The following MPZL1 variants were observed in gnomAD, a reference collection of about 807,000 sequenced individuals.
The protein encoded by MPZL1 is myelin protein zero like 1.
MPZL1 carries 16 observed loss-of-function variants against 29.3 expected under a neutral mutation model. That is an observed-to-expected ratio of 0.55 (90% confidence interval 0.37 to 0.83). MPZL1 has a LOEUF of 0.83. MPZL1 is among the 40% of genes least tolerant of loss of function. The probability of loss-of-function intolerance (pLI) is 0.00; values close to 1 mark genes in which losing one functional copy is unlikely to be tolerated. For missense variants in MPZL1, 279 were observed against 332.9 expected (o/e 0.84, Z 1.26); for synonymous variants, 143 against 132.0 (o/e 1.08, Z -0.57).
intron 1 of MPZL1, among the ~76,000 whole-genome samples, chr1:167,739,258 TACAC>T (rs1404002140): frequency 7.4e-6 from 1 of 134,738 alleles, no homozygotes; most frequent in Non-Finnish European, 1.6e-5. Flanking sequence ...GACTAATACA[TACAC>T]ATACATATAT....
At chr1:167,754,446 C>A (rs1476071) in intron 1 of MPZL1, among the ~76,000 whole-genome samples, 27 of 152,196 alleles carry the variant, frequency 1.8e-4, no homozygotes, top group Admixed American at 8.5e-4. Flanking sequence ...CACCAATGTC[C>A]TGTTAACTCA....
intron 3 of MPZL1, among the ~76,000 whole-genome samples, chr1:167,772,984 G>T (rs545977300): frequency 1.3e-5 from 2 of 152,182 alleles, no homozygotes; most frequent in Admixed American, 1.3e-4. Flanking sequence ...TCACACCTCC[G>T]GTTTTTCTTT....
In MPZL1 at chr1:167,736,823, C is replaced by T. The variant is rs1050874119; in HGVS notation, c.91+14581C>T. ...CTCCCAACTGTTGCCAGAGGGATCT[C>T]TCTCTTGGGCAAATTTAATTGTACC... On this transcript the variant is annotated intron_variant, in intron 1 of 5. Transcript: ENST00000359523. 1.6e-4 allele frequency among the ~76,000 whole-genome samples: 25 copies of T among 152,294 alleles called. No individual in the cohort carries two copies. The South Asian group carries it at 2.7e-3, about 16-fold the overall frequency.
chr1:167,754,380 T>C (rs904215792), intron 1 of MPZL1, among the ~76,000 whole-genome samples: 1 of 152,188 alleles, frequency 6.6e-6, no homozygotes, highest in South Asian at 2.1e-4. Flanking sequence ...AAAATCACAA[T>C]AAAAAATAGC....
chr1:167,729,016 A>C (rs1433339621), intron 1 of MPZL1, among the ~76,000 whole-genome samples: 1 of 152,102 alleles, frequency 6.6e-6, no homozygotes, highest in Non-Finnish European at 1.5e-5. Context: ...CTGTAATCCC[A>C]GCACTTTGAG....
intron 1 of MPZL1, among the ~76,000 whole-genome samples, chr1:167,731,197 G>A (rs1660258724): frequency 6.6e-6 from 1 of 152,132 alleles, no homozygotes; most frequent in African/African-American, 2.4e-5. Context: ...CACTTTGGGA[G>A]GCTGAGGTGG....
At position 167,763,135 on chromosome 1, in the gene MPZL1, C is replaced by T. The variant is rs940234959; in HGVS notation, c.92-2448C>T. On this transcript the variant is annotated intron_variant, in intron 1 of 5. Transcript: ENST00000359523. ...AAAATTCTGTGACTGTAAACTTGGA[C>T]ACTTGGTCTAATTCCATCTTTAAAT... Among the ~76,000 whole-genome samples the T allele has an allele frequency of 2.7e-5, 4 of 146,734 alleles. No individual in the cohort carries two copies. In the Admixed American group the frequency reaches 2.8e-4, roughly 10 times the overall value.
Position 167,773,338 on chromosome 1 carries a change from G to A in MPZL1, c.575G>A (p.Arg192Lys), listed in dbSNP as rs903640625. ...LISMILAVLY[R>K]RKNSKRDYTG... ...AGCATGATTCTGGCTGTCCTCTATA[G>A]AAGGAAAAACTCTAAACGGGATTAC... Residue 192 changes from arginine to lysine, a missense_variant, in exon 4 of 6, where the codon AGA becomes AAA. Arg to Lys is a conservative substitution (Grantham distance 26, BLOSUM62 2). Transcript: ENST00000359523. 1 of 1,614,044 alleles carries A rather than the reference G, an allele frequency of 6.2e-7. No individual in the cohort carries two copies. The highest frequency in any genetic ancestry group is 8.5e-7 in the Non-Finnish European group (1 of 1,179,934).
chr1:167,722,562 G>T (rs1214373916), intron 1 of MPZL1, among the ~76,000 whole-genome samples: 1 of 152,204 alleles, frequency 6.6e-6, no homozygotes, highest in Non-Finnish European at 1.5e-5. Flanking sequence ...GTGAGCCCTC[G>T]CGGCGCACCC....
In MPZL1 at chr1:167,727,774, A is replaced by G. The variant is rs563920341; in HGVS notation, c.91+5532A>G. On this transcript the variant is annotated intron_variant, in intron 1 of 5. Coordinates refer to ENST00000359523, the MANE Select transcript of MPZL1 (RefSeq NM_003953.6). ...CAGAGGTCAGTTGGCTCCGTTCACC[A>G]TAGTGCATAAATTGAGAAATTGTGG... is the stretch of plus-strand genomic sequence containing the variant. 1.0e-3 allele frequency among the ~76,000 whole-genome samples: 153 copies of G among 152,260 alleles called. 2 individuals are homozygous for G. The highest frequency in any genetic ancestry group is 5.6e-3 in the South Asian group (27 of 4,826).
At chr1:167,730,290 CT>C (rs1346100118) in intron 1 of MPZL1, among the ~76,000 whole-genome samples, 3 of 148,634 alleles carry the variant, frequency 2.0e-5, no homozygotes, top group African/African-American at 7.5e-5. Context: ...TCTTTCTTTT[CT>C]TTTTTGAGGC....
intron 1 of MPZL1, among the ~76,000 whole-genome samples, chr1:167,734,230 T>G (rs1405247146): frequency 6.6e-6 from 1 of 150,628 alleles, no homozygotes; most frequent in Non-Finnish European, 1.5e-5. Context: ...CACTCCAGCC[T>G]GGGTGACAGA....
chr1:167,741,047 T>C (rs771316205), intron 1 of MPZL1, among the ~76,000 whole-genome samples: 1 of 152,190 alleles, frequency 6.6e-6, no homozygotes, highest in Non-Finnish European at 1.5e-5. Context: ...GAGACAGTCT[T>C]GCTCTGTCAC....
At position 167,743,354 on chromosome 1, in the gene MPZL1, G is replaced by A. The variant is rs567898618; in HGVS notation, c.91+21112G>A. On this transcript the variant is annotated intron_variant, in intron 1 of 5. Transcript: ENST00000359523. The stretch of plus-strand genomic sequence containing the variant: ...GCCTCCCAAGTAGCTGGGACTACAG[G>A]CGCACATCACGCCCAGCTAATTTTT... 1.7e-4 allele frequency among the ~76,000 whole-genome samples: 26 copies of A among 151,938 alleles called. 1 individual carries two copies. The highest frequency in any genetic ancestry group is 3.2e-4 in the Non-Finnish European group (22 of 67,948).
Position 167,741,394 on chromosome 1 carries a change from C to T in MPZL1, c.91+19152C>T, listed in dbSNP as rs192625425. Among the ~76,000 whole-genome samples, 577 of 145,162 alleles carry T rather than the reference C, an allele frequency of 4.0e-3. 6 individuals are homozygous for T. Among genetic ancestry groups the T allele is most frequent in the Non-Finnish European group, 4.6e-3 (309 of 66,700 alleles). On this transcript the variant is annotated intron_variant, in intron 1 of 5. Transcript: ENST00000359523. ...ACCCAGGCGTGCTGTGGCATGATCT[C>T]AGCTCACTGCAACCTCCGCCTCCCA...
At position 167,722,242 on chromosome 1, in the gene MPZL1, T is replaced by C; in HGVS notation, c.91T>C (p.Leu31=). Residue 31 remains leucine, a splice_region_variant and synonymous_variant, in exon 1 of 6, where the codon TTG becomes CTG. Transcript: ENST00000359523. ...WSVLAAALGL[L]TAGVSALEVY... is the part of the protein sequence containing the mutation. ...GGTGCTGGCGGCGGCGCTTGGGCTCTGTAAGTGATGCCAGGACCAGGGCTG... is the reference window on the plus strand; with the variant it reads ...GGTGCTGGCGGCGGCGCTTGGGCTCCGTAAGTGATGCCAGGACCAGGGCTG... 1 of 1,238,872 alleles carries C rather than the reference T, an allele frequency of 8.1e-7. No homozygotes were observed. The highest frequency in any genetic ancestry group is 1.0e-6 in the Non-Finnish European group (1 of 987,726). The allele number at this position is 1,238,872 out of a possible 1,614,324, so 76.7% of individuals were successfully genotyped here.
chr1:167,779,549 C>T (rs1661447981), intron 5 of MPZL1, among the ~76,000 whole-genome samples: 1 of 151,036 alleles, frequency 6.6e-6, no homozygotes, highest in Non-Finnish European at 1.5e-5. Flanking sequence ...CGCGCCACTG[C>T]ACTCCAGCCT....
At chr1:167,732,103 G>A (rs944900629) in intron 1 of MPZL1, among the ~76,000 whole-genome samples, 1 of 152,112 alleles carries the variant, frequency 6.6e-6, no homozygotes, top group African/African-American at 2.4e-5. Flanking sequence ...ACTCTCTAGG[G>A]ACTACTACAT....
rs562247296 is a variant in MPZL1 at position 167,735,354 on chromosome 1, T to C, written c.91+13112T>C. Reference sequence around the variant, plus strand: ...TTACTACTGGAAATAGTCATTAGTGTCCTTTAATCCAGTTAGAGAGCCAAG... The same window carrying C: ...TTACTACTGGAAATAGTCATTAGTGCCCTTTAATCCAGTTAGAGAGCCAAG... On this transcript the variant is annotated intron_variant, in intron 1 of 5. Coordinates refer to ENST00000359523, the MANE Select transcript of MPZL1 (RefSeq NM_003953.6). Among the ~76,000 whole-genome samples, 4 of 152,282 alleles carry C rather than the reference T, an allele frequency of 2.6e-5. No individual in the cohort carries two copies. In the South Asian group the frequency reaches 8.3e-4, roughly 32 times the overall value.
Sources: allele counts gnomAD v4.1 joint callset (sites outside exome capture counted in the v4.1 genomes callset), GRCh38; gene constraint gnomAD v4.1.1; transcripts MANE v1.5; gene names NCBI Gene and HGNC (gene_info 2026-07-23, HGNC 2026-07-21).